The following UBXN4 variants were observed in gnomAD, a reference collection of about 807,000 sequenced individuals.
UBXN4 encodes UBX domain protein 4.
A neutral mutation model predicts 66.2 loss-of-function variants in UBXN4; 35 were observed. The ratio of observed to expected loss-of-function variants is 0.53; its 90% CI spans 0.40 to 0.70. The LOEUF (loss-of-function observed/expected upper bound fraction) is 0.70. UBXN4 is among the 30% of genes least tolerant of loss of function. The pLI, the probability that UBXN4 is intolerant of heterozygous loss-of-function variation, is 0.00. For synonymous variants in UBXN4, 203 were observed against 204.5 expected (o/e 0.99, Z 0.06); for missense variants, 533 against 599.8 (o/e 0.89, Z 1.16).
chr2:135,765,572 T>A (rs1298892648), intron 6 of UBXN4, among the ~76,000 whole-genome samples: 1 of 152,166 alleles, frequency 6.6e-6, no homozygotes, highest in Non-Finnish European at 1.5e-5. Flanking sequence ...TACCATGAAT[T>A]CTAGTCTTTT....
intron 10 of UBXN4, among the ~76,000 whole-genome samples, chr2:135,777,804 A>C (rs1178216475): frequency 6.6e-6 from 1 of 150,696 alleles, no homozygotes; most frequent in Non-Finnish European, 1.5e-5. Flanking sequence ...AATCGCTTGA[A>C]CCCAGGAGGC....
chr2:135,761,802 T>G lies in UBXN4; in HGVS notation c.509-16T>G, dbSNP rs1489169145. On this transcript the variant is annotated splice_polypyrimidine_tract_variant and intron_variant, in intron 5 of 12. Transcript: ENST00000272638. ...TTAAATGCAGTATTCTTATTTCTTT[T>G]TATTTAATAATTAAGGAGGAGAAAG... The G allele has an allele frequency of 1.3e-6, 2 of 1,577,570 alleles. No homozygotes were observed. The highest frequency in any genetic ancestry group is 1.7e-6 in the Non-Finnish European group (2 of 1,165,746).
chr2:135,755,127 TTTGTTGA>T (rs2077271825), intron 4 of UBXN4, among the ~76,000 whole-genome samples: 1 of 152,230 alleles, frequency 6.6e-6, no homozygotes, highest in Non-Finnish European at 1.5e-5. Context: ...TCACCATAAC[TTTGTTGA>T]AAGAGAAAGT....
chr2:135,764,154 T>C (rs1310379580), intron 6 of UBXN4, among the ~76,000 whole-genome samples: 1 of 151,748 alleles, frequency 6.6e-6, no homozygotes, highest in African/African-American at 2.4e-5. Flanking sequence ...AAATAAAAAA[T>C]AAAGCAGGAT....
chr2:135,778,701 T>C (rs2077432444), intron 10 of UBXN4, among the ~76,000 whole-genome samples: 1 of 152,200 alleles, frequency 6.6e-6, no homozygotes, highest in South Asian at 2.1e-4. Flanking sequence ...TATTTGTGTG[T>C]TTTTAGGAAC....
At chr2:135,778,503 G>T (rs531125665) in intron 10 of UBXN4, among the ~76,000 whole-genome samples, 1 of 152,246 alleles carries the variant, frequency 6.6e-6, no homozygotes, top group African/African-American at 2.4e-5. Flanking sequence ...TTGAGACAAG[G>T]AGGAGGCTAC....
intron 9 of UBXN4, among the ~76,000 whole-genome samples, chr2:135,774,120 A>G (rs1054874166): frequency 6.6e-6 from 1 of 152,258 alleles, no homozygotes; most frequent in African/African-American, 2.4e-5. Context: ...TTTCAAACTT[A>G]CTGCAAAGCT....
At chr2:135,769,048 G>A (rs941253120) in intron 6 of UBXN4, among the ~76,000 whole-genome samples, 1 of 151,936 alleles carries the variant, frequency 6.6e-6, no homozygotes, top group East Asian at 1.9e-4. Context: ...TGTCACCCAG[G>A]CTGGAATGCA....
In UBXN4 at chr2:135,754,251, G is replaced by C. The variant is rs2077265523; in HGVS notation, c.307G>C (p.Val103Leu). 1 of 1,613,902 alleles carries C rather than the reference G, an allele frequency of 6.2e-7. No homozygotes were observed. The highest frequency in any genetic ancestry group is 1.1e-5 in the South Asian group (1 of 91,082). Residue 103 changes from valine (V) to leucine (L), a missense_variant, in exon 4 of 13, where the codon GTT becomes CTT. Val to Leu is a conservative substitution (Grantham distance 32, BLOSUM62 1). Transcript: ENST00000272638. ...IAGSVSADEL[V>L]TRIHKVRQMH... ...AGGAAGTGTTTCTGCAGATGAACTT[G>C]TTACAAGAATTCACAAGGTCCGACA...
intron 12 of UBXN4, 81 bp from the exon 13 acceptor site, chr2:135,782,668 T>C: frequency 6.5e-7 from 1 of 1,539,402 alleles, no homozygotes; most frequent in Non-Finnish European, 8.8e-7. Flanking sequence ...TTGCCTGTAC[T>C]GATGGAAGTT....
chr2:135,764,085 C>G (rs1389109593), intron 6 of UBXN4, among the ~76,000 whole-genome samples: 1 of 152,020 alleles, frequency 6.6e-6, no homozygotes, highest in Admixed American at 6.6e-5. Flanking sequence ...GGTCATGCCA[C>G]TACACTCCAG....
At chr2:135,770,174 G>C (rs552443403) in intron 7 of UBXN4, among the ~76,000 whole-genome samples, 1 of 152,084 alleles carries the variant, frequency 6.6e-6, no homozygotes, top group African/African-American at 2.4e-5. Context: ...TTCCTCTCCT[G>C]TTAAGCATTC....
In UBXN4 at chr2:135,784,624, T is replaced by C. The variant is rs751328631; in HGVS notation, c.*1737T>C. ...TGAAAAAGAAAATCTCCAGCAAGCA[T>C]CTCATTTAAATAAAGGTTTGTCATC... On this transcript the variant is annotated 3_prime_UTR_variant, in exon 13 of 13. Transcript: ENST00000272638. 9 of 152,604 alleles carry C rather than the reference T, an allele frequency of 5.9e-5. No homozygotes were observed. Among genetic ancestry groups the C allele is most frequent in the Admixed American group, 1.3e-4 (2 of 15,276 alleles). 9.5% of individuals were successfully genotyped at this position (152,604 alleles called of 1,614,324 possible). A position where few individuals can be genotyped will look rare whatever the true frequency, so the allele number is the denominator to read the frequency against.
At chr2:135,765,578 CTTT>C (rs1329910003) in intron 6 of UBXN4, among the ~76,000 whole-genome samples, 1 of 151,766 alleles carries the variant, frequency 6.6e-6, no homozygotes, top group Non-Finnish European at 1.5e-5. Flanking sequence ...GAATTCTAGT[CTTT>C]TTATTTGAAT....
At chr2:135,759,413 T>G (rs984508508) in intron 5 of UBXN4, among the ~76,000 whole-genome samples, 6 of 152,186 alleles carry the variant, frequency 3.9e-5, no homozygotes, top group Non-Finnish European at 8.8e-5. Flanking sequence ...ATATTGCTAT[T>G]GGTTGATGTG....
intron 10 of UBXN4, among the ~76,000 whole-genome samples, chr2:135,778,588 G>A (rs373295559): frequency 3.3e-5 from 5 of 152,334 alleles, no homozygotes; most frequent in South Asian, 4.1e-4. Flanking sequence ...TAATCCAAAT[G>A]TGTGTTCATG....
intron 2 of UBXN4, among the ~76,000 whole-genome samples, chr2:135,753,271 G>A (rs542521595): frequency 3.0e-4 from 45 of 152,276 alleles, no homozygotes; most frequent in Admixed American, 7.9e-4. Context: ...TGATCTGCCT[G>A]CCTCGGCCTC....
At chr2:135,759,182 G>T (rs1048925521) in intron 5 of UBXN4, among the ~76,000 whole-genome samples, 4 of 152,126 alleles carry the variant, frequency 2.6e-5, no homozygotes, top group African/African-American at 9.7e-5. Flanking sequence ...TTTGTTATCT[G>T]TCTCCCTATA....
At position 135,772,523 on chromosome 2, in the gene UBXN4, G is replaced by C; in HGVS notation, c.926G>C (p.Arg309Thr). ...LAKQAEMEVK[R>T]ESYARERSTV... ...AAACAGGCAGAAATGGAAGTCAAGA[G>C]GGAATCTTATGCAAGAGAAAGAAGG... The change falls in exon 9 of 13, where the codon AGG (arginine) becomes ACG (threonine). Residue 309 changes from arginine to threonine, a missense_variant. Arg to Thr is a moderately conservative substitution (Grantham distance 71, BLOSUM62 -1). Transcript: ENST00000272638. The C allele has an allele frequency of 6.2e-7, 1 of 1,613,884 alleles. No homozygotes were observed. Among genetic ancestry groups the C allele is most frequent in the Non-Finnish European group, 8.5e-7 (1 of 1,179,828 alleles).
Sources: allele counts gnomAD v4.1 joint callset (sites outside exome capture counted in the v4.1 genomes callset), GRCh38; gene constraint gnomAD v4.1.1; transcripts MANE v1.5; gene names NCBI Gene and HGNC (gene_info 2026-07-23, HGNC 2026-07-21).